VPS37A: variants seen among roughly 807,000 people sequenced by gnomAD.
VPS37A encodes vacuolar protein sorting-associated protein 37A.
In VPS37A, 30 loss-of-function variants were observed where a neutral mutation model predicts 49.8. That is an observed-to-expected ratio of 0.60 (90% CI 0.45 to 0.82). The LOEUF (loss-of-function observed/expected upper bound fraction) is 0.82. VPS37A is among the 40% of genes least tolerant of loss of function. The pLI is 0.00. For synonymous variants in VPS37A, 195 were observed against 160.6 expected (o/e 1.21, Z -1.62); for missense variants, 593 against 464.4 (o/e 1.28, Z -2.55).
the VPS37A span, among the ~76,000 whole-genome samples, chr8:17,320,437 GGGAA>G: frequency 6.6e-6 from 1 of 152,106 alleles, no homozygotes; most frequent in Non-Finnish European, 1.5e-5. Flanking sequence ...CAAGGCAATT[GGGAA>G]GGGAGCTGAG....
intron 10 of VPS37A, 149 bp from the exon 11 acceptor site, chr8:17,286,198 A>G: frequency 1.6e-6 from 1 of 630,762 alleles, no homozygotes; most frequent in East Asian, 2.8e-5. Flanking sequence ...TAATTTGATA[A>G]TTTTAGCTAT....
chr8:17,318,653 G>C, the VPS37A span, among the ~76,000 whole-genome samples: 5 of 152,154 alleles, frequency 3.3e-5, no homozygotes, highest in African/African-American at 1.2e-4. Flanking sequence ...AGATTCTCTT[G>C]TCTGGATGGT....
At chr8:17,259,952 C>A (rs191968642) in intron 1 of VPS37A, among the ~76,000 whole-genome samples, 1 of 152,060 alleles carries the variant, frequency 6.6e-6, no homozygotes, top group African/African-American at 2.4e-5. Flanking sequence ...TTTCAGTCTA[C>A]GTGTGTCTTT....
chr8:17,299,786 C>T, downstream of VPS37A: 1 of 1,556,642 alleles, frequency 6.4e-7, no homozygotes, highest in Non-Finnish European at 8.7e-7. Flanking sequence ...CCTGTTTTTA[C>T]AATAAACCAC....
the VPS37A span, among the ~76,000 whole-genome samples, chr8:17,314,190 G>T: frequency 6.6e-6 from 1 of 152,028 alleles, no homozygotes; most frequent in African/African-American, 2.4e-5. Flanking sequence ...TCACAAATAC[G>T]GCAATCCAAA....
chr8:17,289,177 T>G (rs906990217), intron 11 of VPS37A, among the ~76,000 whole-genome samples: 17 of 152,228 alleles, frequency 1.1e-4, no homozygotes, highest in African/African-American at 3.9e-4. Context: ...TGATGGTAGT[T>G]TCTTTGCTGT....
chr8:17,318,423 A>G, the VPS37A span, among the ~76,000 whole-genome samples: 1 of 152,138 alleles, frequency 6.6e-6, no homozygotes, highest in African/African-American at 2.4e-5. Context: ...AAGGTACAGG[A>G]TGAGCACCCC....
downstream of VPS37A, among the ~76,000 whole-genome samples, chr8:17,301,302 T>A (rs757717383): frequency 4.6e-5 from 7 of 152,020 alleles, no homozygotes; most frequent in Non-Finnish European, 8.8e-5. Flanking sequence ...AGTGGTAAGG[T>A]TAGAAGGAAA....
chr8:17,277,613 T>A (rs1180216605), intron 6 of VPS37A, among the ~76,000 whole-genome samples: 1 of 151,998 alleles, frequency 6.6e-6, no homozygotes, highest in Non-Finnish European at 1.5e-5. Context: ...CTTCAGTAAA[T>A]TTTTCTACCA....
In VPS37A at chr8:17,297,555, C is replaced by CGTA. The variant is rs2150445387; in HGVS notation, c.*2569_*2570insGTA. ...TGCTGGGTCATGGTCAAAATTCTTA[C>CGTA]CTATTTATTTCATATCAACTTTAAA... On this transcript the variant is annotated 3_prime_UTR_variant, in exon 12 of 12. Transcript: ENST00000324849. 9.0e-6 allele frequency: 1 copy of CGTA among 111,474 alleles called. No homozygotes were observed. The highest frequency in any genetic ancestry group is 3.4e-4 in the East Asian group (1 of 2,922). 6.9% of individuals were successfully genotyped at this position (111,474 alleles called of 1,614,324 possible). A position where few individuals can be genotyped will look rare whatever the true frequency, so the allele number is the denominator to read the frequency against.
chr8:17,310,322 T>C, the VPS37A span, among the ~76,000 whole-genome samples: 1 of 152,130 alleles, frequency 6.6e-6, no homozygotes, highest in East Asian at 1.9e-4. Context: ...AAGTGTTCAG[T>C]CAAGTAATAT....
intron 1 of VPS37A, among the ~76,000 whole-genome samples, chr8:17,258,386 G>A (rs1028634869): frequency 6.6e-6 from 1 of 152,120 alleles, no homozygotes; most frequent in Non-Finnish European, 1.5e-5. Flanking sequence ...TTCAGCATCT[G>A]TTGAAACAAT....
chr8:17,302,494 A>G, downstream of VPS37A: 3 of 482,094 alleles, frequency 6.2e-6, 1 homozygote, highest in South Asian at 1.3e-4. Flanking sequence ...AGTTTATGAA[A>G]AGTCTGCCTG....
At chr8:17,304,585 A>G (rs1817329710), downstream of VPS37A, 59 of 1,514,390 alleles carry the variant, frequency 3.9e-5, 1 homozygote, top group South Asian at 5.3e-4. Context: ...GATATGTTAT[A>G]TTAATGCTGG....
At chr8:17,306,547 G>A (rs938595667), downstream of VPS37A, among the ~76,000 whole-genome samples, 5 of 152,078 alleles carry the variant, frequency 3.3e-5, no homozygotes, top group African/African-American at 9.7e-5. Context: ...CATCAGACTC[G>A]TCTTCCTCAA....
chr8:17,290,219 G>A (rs1816009652), intron 11 of VPS37A, among the ~76,000 whole-genome samples: 1 of 152,158 alleles, frequency 6.6e-6, no homozygotes, highest in Non-Finnish European at 1.5e-5. Flanking sequence ...GCACTGGCCA[G>A]AACTTCCAGT....
At chr8:17,331,267 T>C in the VPS37A span, 8 of 1,608,254 alleles carry the variant, frequency 5.0e-6, no homozygotes, top group Non-Finnish European at 6.8e-6. Context: ...GCAGCACGAT[T>C]TGCCATTGCA....
At chr8:17,301,451 G>C (rs530312430), downstream of VPS37A, among the ~76,000 whole-genome samples, 1 of 152,162 alleles carries the variant, frequency 6.6e-6, no homozygotes, top group Non-Finnish European at 1.5e-5. Flanking sequence ...AGGTAGGAAG[G>C]TCTAAATTGT....
intron 1 of VPS37A, among the ~76,000 whole-genome samples, chr8:17,251,735 C>A (rs904881370): frequency 6.6e-6 from 1 of 152,150 alleles, no homozygotes; most frequent in Non-Finnish European, 1.5e-5. Flanking sequence ...GTATTTTGTT[C>A]TTGTCCCTAT....
Sources: allele counts gnomAD v4.1 joint callset (sites outside exome capture counted in the v4.1 genomes callset), GRCh38; gene constraint gnomAD v4.1.1; transcripts MANE v1.5; gene names NCBI Gene and HGNC (gene_info 2026-07-23, HGNC 2026-07-21).